DDHD1: variants seen among roughly 807,000 people sequenced by gnomAD.
The protein encoded by DDHD1 is phospholipase DDHD1.
DDHD1 carries 49 observed loss-of-function variants against 96.4 expected under a neutral mutation model. The observed-to-expected ratio is 0.51, with a 90% CI of 0.40 to 0.64. The LOEUF is 0.64. DDHD1 is among the 30% of genes least tolerant of loss of function. The probability of loss-of-function intolerance (pLI) is 0.00; values close to 1 mark genes in which losing one functional copy is unlikely to be tolerated. For missense variants in DDHD1, 1,106 were observed against 1,161.2 expected (o/e 0.95, Z 0.69); for synonymous variants, 442 against 446.5 (o/e 0.99, Z 0.13).
rs1891509468 is a variant in DDHD1, at chr14:53,152,589, C to T, written c.510G>A (p.Trp170Ter). Residue 170 changes from tryptophan (W) to a stop codon, truncating the protein, a stop_gained, in exon 1 of 13, where the codon TGG (tryptophan) becomes TGA (stop). Coordinates refer to ENST00000673822, the MANE Select transcript of DDHD1 (RefSeq NM_001160148.2). LOFTEE classifies it high-confidence loss of function. ...AGGTCTTCTTGTCCTCCTTGTAGAA[C>T]CAGCGTACCTCCTCCGGGCCCAGCT... ...VTELGPEEVR[W>*]FYKEDKKTWK... is the part of the protein sequence containing the mutation. The T allele has an allele frequency of 6.2e-7, 1 of 1,613,770 alleles. No homozygotes were observed. The highest frequency in any genetic ancestry group is 1.1e-5 in the South Asian group (1 of 91,088).
intron 1 of DDHD1, among the ~76,000 whole-genome samples, chr14:53,130,394 G>A (rs1051084483): frequency 2.0e-5 from 3 of 152,102 alleles, no homozygotes; most frequent in Non-Finnish European, 2.9e-5. Context: ...TGGCCCATTT[G>A]TTAACAACCC....
chr14:53,103,971 G>T, intron 1 of DDHD1, 115 bp from the exon 2 acceptor site: 1 of 813,382 alleles, frequency 1.2e-6, no homozygotes, highest in South Asian at 2.2e-5. Flanking sequence ...AGATTTTCAT[G>T]ACCCAATACA....
intron 1 of DDHD1, among the ~76,000 whole-genome samples, chr14:53,141,849 GTA>G: frequency 1.3e-5 from 2 of 152,254 alleles, no homozygotes; most frequent in African/African-American, 4.8e-5. Flanking sequence ...TGGTTATCAA[GTA>G]TAGGCTGAAG....
chr14:53,078,021 G>A (rs369198169), intron 4 of DDHD1, among the ~76,000 whole-genome samples: 4 of 152,048 alleles, frequency 2.6e-5, no homozygotes, highest in Admixed American at 6.6e-5. Context: ...TTGTTTAGCC[G>A]CTCATCAGTT....
chr14:53,091,488 T>C (rs1233786902), intron 4 of DDHD1, among the ~76,000 whole-genome samples: 15 of 151,140 alleles, frequency 9.9e-5, no homozygotes. Flanking sequence ...TAAAACTAGA[T>C]CTTCTTCTTG....
intron 2 of DDHD1, chr14:53,096,127 C>T (rs1595167990): frequency 5.1e-6 from 5 of 984,594 alleles, no homozygotes; most frequent in Non-Finnish European, 4.8e-6. Flanking sequence ...CTTGGGAATG[C>T]TTTCGTTTAA....
intron 4 of DDHD1, among the ~76,000 whole-genome samples, chr14:53,089,955 A>C (rs1433124303): frequency 2.0e-5 from 3 of 152,226 alleles, no homozygotes; most frequent in Non-Finnish European, 2.9e-5. Context: ...AATGGGAGAA[A>C]ATTTTTGCTA....
intron 2 of DDHD1, among the ~76,000 whole-genome samples, chr14:53,100,571 T>C (rs1335050217): frequency 2.0e-5 from 3 of 152,280 alleles, no homozygotes; most frequent in African/African-American, 7.2e-5. Flanking sequence ...TGGTATCTGG[T>C]GGTGGTAGGG....
intron 4 of DDHD1, 112 bp from the exon 5 acceptor site, chr14:53,073,959 C>T (rs1381621584): frequency 1.1e-6 from 1 of 925,622 alleles, no homozygotes; most frequent in African/African-American, 1.7e-5. Flanking sequence ...TTGCTTATAG[C>T]TTTGTCCAGT....
intron 1 of DDHD1, among the ~76,000 whole-genome samples, chr14:53,138,364 C>T (rs140156980): frequency 5.7e-4 from 87 of 152,108 alleles, no homozygotes; most frequent in African/African-American, 2.0e-3. Flanking sequence ...AAAATTGTGC[C>T]GCTGCAGTGA....
intron 1 of DDHD1, among the ~76,000 whole-genome samples, chr14:53,150,422 C>T (rs1029200042): frequency 2.0e-4 from 30 of 152,210 alleles, no homozygotes; most frequent in African/African-American, 7.0e-4. Context: ...ATTAATTTCG[C>T]TGAGCCCATT....
At chr14:53,098,873 C>T (rs1333810937) in intron 2 of DDHD1, among the ~76,000 whole-genome samples, 4 of 152,066 alleles carry the variant, frequency 2.6e-5, no homozygotes, top group Non-Finnish European at 5.9e-5. Context: ...CAATCTTTTA[C>T]TTTCAATTTA....
chr14:53,043,432 CTTT>C lies in DDHD1; in HGVS notation c.*3333_*3335del, dbSNP rs903317761. ...GTGTGTGTGTGTGTGTAAATACATA[CTTT>C]TTTTTTTTGGATACAGTGTCCAGCT... On this transcript the variant is annotated 3_prime_UTR_variant, in exon 13 of 13. Transcript: ENST00000673822. The C allele has an allele frequency of 2.2e-5, 3 of 134,046 alleles. No individual in the cohort carries two copies. Among genetic ancestry groups the C allele is most frequent in the Non-Finnish European group, 4.8e-5 (3 of 62,690 alleles). 8.3% of individuals were successfully genotyped at this position (134,046 alleles called of 1,614,324 possible). A position where few individuals can be genotyped will look rare whatever the true frequency, so the allele number is the denominator to read the frequency against.
chr14:53,138,200 T>A (rs1890376682), intron 1 of DDHD1, among the ~76,000 whole-genome samples: 1 of 151,644 alleles, frequency 6.6e-6, no homozygotes, highest in Admixed American at 6.6e-5. Context: ...AGGTCAGGAG[T>A]TCAAGATCAG....
In DDHD1 at chr14:53,073,780, G is replaced by A. The variant is rs761376814; in HGVS notation, c.1357C>T (p.Leu453=). 1.2e-5 allele frequency: 19 copies of A among 1,610,166 alleles called. No individual in the cohort carries two copies. Among genetic ancestry groups the A allele is most frequent in the African/African-American group, 5.4e-5 (4 of 74,718 alleles). ...AGTTTTGACCGCCACTCAACAGGCA[G>A]AAATTCAACATGTGTTGCATGGTTG... is the stretch of plus-strand genomic sequence containing the variant. The part of the protein sequence containing the change: ...FSNHATHVEF[L]PVEWRSKLTL... The change falls in exon 5 of 13, where the codon CTG becomes TTG. Residue 453 remains leucine (L), a synonymous_variant. Coordinates refer to ENST00000673822, the MANE Select transcript of DDHD1 (RefSeq NM_001160148.2).
At chr14:53,120,863 CAA>C (rs1888927921) in intron 1 of DDHD1, among the ~76,000 whole-genome samples, 1 of 152,108 alleles carries the variant, frequency 6.6e-6, no homozygotes, top group African/African-American at 2.4e-5. Flanking sequence ...AAAACCTAGG[CAA>C]TACCATTCAG....
At chr14:53,119,070 G>A (rs943047321) in intron 1 of DDHD1, among the ~76,000 whole-genome samples, 3 of 152,090 alleles carry the variant, frequency 2.0e-5, no homozygotes, top group East Asian at 1.9e-4. Context: ...ACTAAGCTTC[G>A]AAAGTGAAGG....
At chr14:53,151,438 T>G (rs929461957) in intron 1 of DDHD1, among the ~76,000 whole-genome samples, 5 of 152,246 alleles carry the variant, frequency 3.3e-5, no homozygotes, top group Non-Finnish European at 7.3e-5. Flanking sequence ...CCTCCTATTC[T>G]AACTATAAAC....
chr14:53,063,306 G>C (rs773720779), intron 6 of DDHD1, 101 bp from the exon 7 acceptor site: 2 of 1,312,286 alleles, frequency 1.5e-6, no homozygotes, highest in Non-Finnish European at 2.1e-6. Flanking sequence ...ATACATTACC[G>C]ATCAAATATA....
Sources: allele counts gnomAD v4.1 joint callset (sites outside exome capture counted in the v4.1 genomes callset), GRCh38; gene constraint gnomAD v4.1.1; transcripts MANE v1.5; gene names NCBI Gene and HGNC (gene_info 2026-07-23, HGNC 2026-07-21).